NEGR1: variants seen among roughly 807,000 people sequenced by gnomAD.
The protein encoded by NEGR1 is neuronal growth regulator 1.
Under a neutral mutation model 40.9 loss-of-function variants are expected in NEGR1, and 10 were observed. The observed-to-expected ratio is 0.24, with a 90% confidence interval of 0.15 to 0.42. NEGR1 has a LOEUF of 0.42. Among genes scored for constraint, NEGR1 ranks in the 10% least tolerant of loss-of-function variants. The pLI is 1.00. For synonymous variants in NEGR1, 185 were observed against 166.8 expected (o/e 1.11, Z -0.84); for missense variants, 352 against 438.9 (o/e 0.80, Z 1.77).
rs79792020 is a variant in NEGR1 at position 71,642,434 on chromosome 1, G to T, written c.668-31288C>A. Among the ~76,000 whole-genome samples, 194 of 151,772 alleles carry T rather than the reference G, an allele frequency of 1.3e-3. 12 individuals are homozygous for T. The East Asian group carries it at 0.035, about 28-fold the overall frequency. ...AGAAGAAAAGGAAGAGTGGGAGAGA[G>T]AAAAAATTGGGGGGGAGAGAAAAAG... On this transcript the variant is annotated intron_variant, in intron 4 of 6. Transcript: ENST00000357731.
intron 2 of NEGR1, among the ~76,000 whole-genome samples, chr1:71,914,785 G>A (rs548707371): frequency 6.6e-6 from 1 of 152,090 alleles, no homozygotes; most frequent in Non-Finnish European, 1.5e-5. Context: ...CTCTGTCTCT[G>A]TGTTTCTTGC....
intron 2 of NEGR1, among the ~76,000 whole-genome samples, chr1:71,923,161 G>A (rs1156931196): frequency 6.6e-6 from 1 of 152,094 alleles, no homozygotes; most frequent in Non-Finnish European, 1.5e-5. Context: ...CAGTAAGATA[G>A]ATACGATCCA....
intron 2 of NEGR1, among the ~76,000 whole-genome samples, chr1:71,858,562 A>C: frequency 6.6e-6 from 1 of 152,216 alleles, no homozygotes; most frequent in East Asian, 1.9e-4. Context: ...GAGAATCTAA[A>C]GGAACTTAGC....
rs191932894 is a variant in NEGR1 at position 71,520,730 on chromosome 1, G to A, written c.940+72087C>T. On this transcript the variant is annotated intron_variant, in intron 6 of 6. Transcript: ENST00000357731. Reference sequence around the variant, plus strand: ...ACTGTGAAGCCTGTCTTGTGTAAAAGCATGTAAAATCAACTAACTATAGCT... The same window carrying A: ...ACTGTGAAGCCTGTCTTGTGTAAAAACATGTAAAATCAACTAACTATAGCT... 4.3e-4 allele frequency among the ~76,000 whole-genome samples: 66 copies of A among 152,110 alleles called. 2 individuals carry two copies. Among genetic ancestry groups the A allele is most frequent in the Non-Finnish European group, 1.3e-4 (9 of 67,968 alleles).
At chr1:72,162,974 C>T (rs79936009) in intron 1 of NEGR1, among the ~76,000 whole-genome samples, 6,378 of 152,064 alleles carry the variant, frequency 0.042, 441 homozygotes, top group African/African-American at 0.15. Context: ...GTGTTCTAGA[C>T]AATTTTCTAG....
rs143366763 is a variant in NEGR1 at position 71,862,541 on chromosome 1, G to C, written c.409+72538C>G. On this transcript the variant is annotated intron_variant, in intron 2 of 6. Transcript: ENST00000357731. ...CTATAAGTTCCTTTGCTCTGCATTT[G>C]TATTAAGGAGTTGGTGGCTTTCCTC... 2.2e-3 allele frequency among the ~76,000 whole-genome samples: 333 copies of C among 152,154 alleles called. 5 individuals carry two copies. The East Asian group carries it at 0.023, about 11-fold the overall frequency.
At chr1:71,650,198 C>T (rs1026665082) in intron 4 of NEGR1, among the ~76,000 whole-genome samples, 3 of 152,028 alleles carry the variant, frequency 2.0e-5, no homozygotes, top group South Asian at 2.1e-4. Context: ...AAATTCGAAA[C>T]GATTGAGTCA....
intron 4 of NEGR1, among the ~76,000 whole-genome samples, chr1:71,645,787 G>C (rs1210412320): frequency 6.6e-6 from 1 of 151,820 alleles, no homozygotes; most frequent in South Asian, 2.1e-4. Context: ...AGGAAAAATG[G>C]GTATTAAATT....
chr1:71,780,662 C>CT (rs1656684197), intron 2 of NEGR1, among the ~76,000 whole-genome samples: 1 of 152,212 alleles, frequency 6.6e-6, no homozygotes, highest in Non-Finnish European at 1.5e-5. Context: ...TCATAACATG[C>CT]TTTCCCTTTA....
At chr1:72,024,044 C>T (rs1646784025) in intron 1 of NEGR1, among the ~76,000 whole-genome samples, 1 of 151,926 alleles carries the variant, frequency 6.6e-6, no homozygotes, top group Admixed American at 6.6e-5. Flanking sequence ...AGAAAATCAC[C>T]ATTTATAACT....
chr1:71,492,776 A>G (rs1184504905), intron 6 of NEGR1, among the ~76,000 whole-genome samples: 3 of 152,152 alleles, frequency 2.0e-5, no homozygotes, highest in Non-Finnish European at 4.4e-5. Flanking sequence ...TGATATTTAA[A>G]CAATTCAACG....
At chr1:71,985,428 A>G (rs1037581653) in intron 1 of NEGR1, among the ~76,000 whole-genome samples, 2 of 152,098 alleles carry the variant, frequency 1.3e-5, no homozygotes, top group Admixed American at 1.3e-4. Context: ...TTTAATCTTC[A>G]TAGGGTTGTG....
chr1:72,214,870 T>C (rs536446084), intron 1 of NEGR1, among the ~76,000 whole-genome samples: 1 of 150,188 alleles, frequency 6.7e-6, no homozygotes, highest in Admixed American at 6.6e-5. Context: ...AAAATACTAA[T>C]GTAAATTTCA....
At chr1:72,173,148 A>G (rs1038194297) in intron 1 of NEGR1, among the ~76,000 whole-genome samples, 2 of 151,280 alleles carry the variant, frequency 1.3e-5, no homozygotes, top group African/African-American at 4.8e-5. Flanking sequence ...CTGGGACTAC[A>G]GGTGTGTGCC....
rs529677930 is a variant in NEGR1, at chr1:71,816,440, AATC to A, written c.410-40146_410-40144del. Among the ~76,000 whole-genome samples, 5 of 152,098 alleles carry A rather than the reference AATC, an allele frequency of 3.3e-5. No homozygotes were observed. The South Asian group carries it at 1.0e-3, about 31-fold the overall frequency. The stretch of plus-strand genomic sequence containing the variant: ...TGCCACATGGCTAGGGAGGCCTCAC[AATC>A]ATGGCAGAAGGTGAAGGAGGAGCAA... On this transcript the variant is annotated intron_variant, in intron 2 of 6. Transcript: ENST00000357731.
chr1:71,695,447 A>T (rs1653445150), intron 4 of NEGR1, among the ~76,000 whole-genome samples: 1 of 151,674 alleles, frequency 6.6e-6, no homozygotes, highest in Non-Finnish European at 1.5e-5. Flanking sequence ...TATCTACCTG[A>T]AATTTATTGT....
intron 2 of NEGR1, among the ~76,000 whole-genome samples, chr1:71,815,881 C>T (rs1326885071): frequency 6.6e-6 from 1 of 152,030 alleles, no homozygotes; most frequent in African/African-American, 2.4e-5. Context: ...CACTGATAAA[C>T]TGGATCATGG....
rs1322475168 is a variant in NEGR1 at position 71,722,341 on chromosome 1, T to C, written c.536-24202A>G. Among the ~76,000 whole-genome samples, 4 of 152,146 alleles carry C rather than the reference T, an allele frequency of 2.6e-5. No individual in the cohort carries two copies. The East Asian group carries it at 7.7e-4, about 29-fold the overall frequency. On this transcript the variant is annotated intron_variant, in intron 3 of 6. Transcript: ENST00000357731. ...CCTTCAGAAATATGGTAAATTATTTTAATTTATTTTTATTAATTTAATTTA... is the reference window on the plus strand; with the variant it reads ...CCTTCAGAAATATGGTAAATTATTTCAATTTATTTTTATTAATTTAATTTA...
In NEGR1 at chr1:72,206,330, C is replaced by T. The variant is rs1057410939; in HGVS notation, c.176+75989G>A. ...TACTGTGAGAAGAAAACACAAATAA[C>T]TTTAACATTTATGAAAATACCTGAA... On this transcript the variant is annotated intron_variant, in intron 1 of 6. Transcript: ENST00000357731. 5.3e-5 allele frequency among the ~76,000 whole-genome samples: 8 copies of T among 152,036 alleles called. No homozygotes were observed. The Middle Eastern group carries it at 0.01, about 194-fold the overall frequency.
Sources: gnomAD v4.1 joint callset for allele counts (sites outside exome capture counted in the v4.1 genomes callset) on GRCh38, gnomAD v4.1.1 for gene constraint, MANE v1.5 for transcripts, NCBI Gene and HGNC (gene_info 2026-07-23, HGNC 2026-07-21) for gene names.